ERMAP: variants seen among roughly 807,000 people sequenced by gnomAD.
ERMAP encodes the protein erythroid membrane-associated protein.
A neutral mutation model predicts 49.5 loss-of-function variants in ERMAP; 34 were observed. The observed-to-expected ratio is 0.69, with a 90% confidence interval of 0.52 to 0.91. The LOEUF (loss-of-function observed/expected upper bound fraction) is 0.91. ERMAP is among the 40% of genes least tolerant of loss of function. ERMAP has a pLI of 0.00. For synonymous variants in ERMAP, 214 were observed against 232.2 expected (o/e 0.92, Z 0.71); for missense variants, 541 against 582.6 (o/e 0.93, Z 0.74).
chr1:42,818,702 C>G (rs1654318310), intron 1 of ERMAP, among the ~76,000 whole-genome samples: 1 of 152,158 alleles, frequency 6.6e-6, no homozygotes, highest in Non-Finnish European at 1.5e-5. Flanking sequence ...AAATCCTGGG[C>G]TCAAGTGATC....
At position 42,840,017 on chromosome 1, in the gene ERMAP, T is replaced by C; in HGVS notation, c.638-16T>C. ...AGGCCCTCCTTCTGATTTGCCAAAT[T>C]GTTTTCATTCTTTAGAGAAACTCCG... On this transcript the variant is annotated splice_polypyrimidine_tract_variant and intron_variant, in intron 8 of 11. Coordinates refer to ENST00000372517, the MANE Select transcript of ERMAP (RefSeq NM_001017922.2). 1.2e-6 allele frequency: 2 copies of C among 1,614,172 alleles called. No homozygotes were observed. Among genetic ancestry groups the C allele is most frequent in the Non-Finnish European group, 1.7e-6 (2 of 1,180,022 alleles).
rs533201166 is a variant in ERMAP, at chr1:42,829,246, C to G, written c.-5-1198C>G. ...ACAAGAACAACCCTAAACCAGTGTG[C>G]TTTTTGCCATGAGAAAACAGAATTG... On this transcript the variant is annotated intron_variant, in intron 2 of 11. Coordinates refer to ENST00000372517, the MANE Select transcript of ERMAP (RefSeq NM_001017922.2). 3.3e-5 allele frequency among the ~76,000 whole-genome samples: 5 copies of G among 152,226 alleles called. No homozygotes were observed. In the South Asian group the frequency reaches 8.3e-4, roughly 25 times the overall value.
intron 1 of ERMAP, chr1:42,824,628 G>A (rs1351583091): frequency 6.6e-6 from 1 of 152,264 alleles, no homozygotes; most frequent in African/African-American, 2.4e-5. Context: ...AAATGGGAAT[G>A]AGCAAAAAAG....
rs952633017 is a variant in ERMAP at position 42,843,012 on chromosome 1, G to T, written c.1208G>T (p.Gly403Val). The change falls in exon 12 of 12, where the codon GGA becomes GTA. Residue 403 changes from glycine (G) to valine (V), a missense_variant. Coordinates refer to ENST00000372517, the MANE Select transcript of ERMAP (RefSeq NM_001017922.2). ...PFFEPCLHDGGKNTAPLVICS... is the reference protein window; with the variant it reads ...PFFEPCLHDGVKNTAPLVICS... Reference sequence around the variant, plus strand: ...TTTGAACCTTGCCTTCATGATGGAGGAAAAAACACAGCACCTCTAGTCATT... The same window carrying T: ...TTTGAACCTTGCCTTCATGATGGAGTAAAAAACACAGCACCTCTAGTCATT... 4 of 1,613,840 alleles carry T rather than the reference G, an allele frequency of 2.5e-6. No homozygotes were observed. The East Asian group carries it at 8.9e-5, about 36-fold the overall frequency.
At chr1:42,840,634 G>T (rs377429343) in intron 11 of ERMAP, among the ~76,000 whole-genome samples, 30 of 151,538 alleles carry the variant, frequency 2.0e-4, no homozygotes, top group African/African-American at 7.0e-4. Flanking sequence ...GCTTTTTTTT[G>T]ATTTGTGAAG....
rs1473143762 is a variant in ERMAP at position 42,831,058 on chromosome 1, T to C, written c.376T>C (p.Cys126Arg). 2 of 1,614,252 alleles carry C rather than the reference T, an allele frequency of 1.2e-6. No individual in the cohort carries two copies. Among genetic ancestry groups the C allele is most frequent in the Non-Finnish European group, 1.7e-6 (2 of 1,180,036 alleles). ...VRLEDQGSYRCLIQVGNLSKE... is the reference protein window; with the variant it reads ...VRLEDQGSYRRLIQVGNLSKE... ...CCTTGAGGACCAAGGGTCTTACCGA[T>C]GTCTGATCCAAGTTGGAAATCTGAG... Residue 126 changes from cysteine (C) to arginine (R), a missense_variant, in exon 4 of 12, where the codon TGT (cysteine) becomes CGT (arginine). Transcript: ENST00000372517.
chr1:42,843,802 A>G lies in ERMAP; in HGVS notation c.*570A>G. ...CATACCATCCTTTTCTATTTTCTTG[A>G]TGCTGTTTACAACATAGTTTGGTGA... On this transcript the variant is annotated 3_prime_UTR_variant, in exon 12 of 12. Coordinates refer to ENST00000372517, the MANE Select transcript of ERMAP (RefSeq NM_001017922.2). 2.8e-6 allele frequency: 1 copy of G among 354,670 alleles called. No individual in the cohort carries two copies. Among genetic ancestry groups the G allele is most frequent in the Admixed American group, 4.7e-5 (1 of 21,412 alleles). The allele number at this position is 354,670 out of a possible 1,614,324, so 22.0% of individuals were successfully genotyped here. A position where few individuals can be genotyped will look rare whatever the true frequency, so the allele number is the denominator to read the frequency against.
chr1:42,843,225 C>T lies in ERMAP; in HGVS notation c.1421C>T (p.Ser474Phe). 6.3e-7 allele frequency: 1 copy of T among 1,577,742 alleles called. No homozygotes were observed. The highest frequency in any genetic ancestry group is 8.6e-7 in the Non-Finnish European group (1 of 1,164,954). Residue 474 changes from serine to phenylalanine, a missense_variant, in exon 12 of 12, where the codon TCT becomes TTT. By Grantham distance (155) the Ser-to-Phe change is radical (BLOSUM62 -2). Coordinates refer to ENST00000372517, the MANE Select transcript of ERMAP (RefSeq NM_001017922.2). ...GCCCTTCAGGAGCTCAAGGCTCCTT[C>T]TTTTTAGGGATATGCCACATTACCT... ...GPALQELKAP[S>F]F
At chr1:42,827,851 C>T (rs746637330) in intron 2 of ERMAP, among the ~76,000 whole-genome samples, 7 of 152,056 alleles carry the variant, frequency 4.6e-5, no homozygotes, top group Non-Finnish European at 8.8e-5. Context: ...GAAAGGATCC[C>T]GGCAATTCAC....
Position 42,842,904 on chromosome 1 carries a change from G to A in ERMAP, c.1100G>A (p.Gly367Glu), listed in dbSNP as rs926241991. The A allele has an allele frequency of 5.0e-6, 8 of 1,614,052 alleles. No individual in the cohort carries two copies. In the Admixed American group the frequency reaches 1.0e-4, roughly 20 times the overall value. The change falls in exon 12 of 12, where the codon GGA becomes GAA. Residue 367 changes from glycine (G) to glutamate (E), a missense_variant. Transcript: ENST00000372517. ...CVGIFLDYEA[G>E]VISFYNVTNK... ...GGGATTTTCCTGGACTATGAAGCAG[G>A]AGTCATCTCTTTCTACAATGTGACC...
chr1:42,839,236 G>A, intron 8 of ERMAP: 1 of 489,406 alleles, frequency 2.0e-6, no homozygotes, highest in Non-Finnish European at 3.7e-6. Flanking sequence ...TGGGGTCCAG[G>A]AGGACAGGAT....
At position 42,837,171 on chromosome 1, in the gene ERMAP, A is replaced by G; in HGVS notation, c.597A>G (p.Ser199=). 1 of 1,614,130 alleles carries G rather than the reference A, an allele frequency of 6.2e-7. No individual in the cohort carries two copies. The highest frequency in any genetic ancestry group is 8.5e-7 in the Non-Finnish European group (1 of 1,179,974). The change falls in exon 7 of 12, where the codon TCA becomes TCG. Residue 199 remains serine (S), a synonymous_variant. Transcript: ENST00000372517. ...TTCTTCCTCTAGACAATCTTCTTTC[A>G]GACCATGCTAAAGAAAAAGGTAATG... ...EHVTEVDNLL[S]DHAKEKGKLH...
At chr1:42,838,659 A>G (rs1423057243) in intron 7 of ERMAP, among the ~76,000 whole-genome samples, 1 of 152,206 alleles carries the variant, frequency 6.6e-6, no homozygotes, top group Non-Finnish European at 1.5e-5. Flanking sequence ...GAAACCAGAC[A>G]GATGAAAAGG....
chr1:42,821,420 T>C (rs1007553863), intron 1 of ERMAP, among the ~76,000 whole-genome samples: 1 of 152,228 alleles, frequency 6.6e-6, no homozygotes, highest in African/African-American at 2.4e-5. Flanking sequence ...TATGTCTGTA[T>C]CTGTTTTTCT....
chr1:42,817,947 C>T (rs2124266100), intron 1 of ERMAP: 1 of 152,262 alleles, frequency 6.6e-6, no homozygotes, highest in South Asian at 2.1e-4. Flanking sequence ...ATAATGTATA[C>T]GTGTATATTA....
chr1:42,825,938 CT>C, intron 2 of ERMAP, 200 bp downstream of exon 2: 1 of 506,692 alleles, frequency 2.0e-6, no homozygotes, highest in Non-Finnish European at 3.1e-6. Flanking sequence ...TTGAAGTACT[CT>C]TATTTAAGTA....
At chr1:42,833,167 C>T (rs35600167) in intron 4 of ERMAP, among the ~76,000 whole-genome samples, 90 of 152,262 alleles carry the variant, frequency 5.9e-4, no homozygotes, top group Middle Eastern at 3.4e-3. Flanking sequence ...GGTTTGAAGG[C>T]GCTGGTGGTT....
In ERMAP at chr1:42,817,220, C is replaced by A; in HGVS notation, c.-155C>A. The A allele has an allele frequency of 8.0e-7, 1 of 1,256,050 alleles. No homozygotes were observed. The highest frequency in any genetic ancestry group is 2.5e-5 in the Admixed American group (1 of 39,350). 77.8% of individuals were successfully genotyped at this position (1,256,050 alleles called of 1,614,324 possible). ...CCGACCGGGCCACTGGAAGTTGGAG[C>A]CTCCGCCGAGTCGCAGACAACGCCT... On this transcript the variant is annotated 5_prime_UTR_variant, in exon 1 of 12. Transcript: ENST00000372517.
chr1:42,841,337 C>A (rs1655052449), intron 11 of ERMAP, among the ~76,000 whole-genome samples: 1 of 152,112 alleles, frequency 6.6e-6, no homozygotes, highest in African/African-American at 2.4e-5. Context: ...ACTCATAATC[C>A]ACAATTTTAG....
Sources: gnomAD v4.1 joint callset for allele counts (sites outside exome capture counted in the v4.1 genomes callset) on GRCh38, gnomAD v4.1.1 for gene constraint, MANE v1.5 for transcripts, NCBI Gene and HGNC (gene_info 2026-07-23, HGNC 2026-07-21) for gene names.